Variants in ZNF516 observed in about 807,000 individuals in gnomAD.
ZNF516 encodes zinc finger protein 516.
ZNF516 carries 19 observed loss-of-function variants against 79.7 expected under a neutral mutation model. The observed-to-expected ratio is 0.24, with a 90% CI of 0.17 to 0.35. The LOEUF is 0.35. Among genes scored for constraint, ZNF516 ranks in the 10% least tolerant of loss-of-function variants. The pLI, the probability that ZNF516 is intolerant of heterozygous loss-of-function variation, is 1.00. For missense variants in ZNF516, 1,678 were observed against 1,679.5 expected (o/e 1.00, Z 0.02); for synonymous variants, 877 against 739.5 (o/e 1.19, Z -3.02).
intron 1 of ZNF516, among the ~76,000 whole-genome samples, chr18:76,472,504 T>C (rs1409767734): frequency 6.6e-6 from 1 of 152,256 alleles, no homozygotes; most frequent in African/African-American, 2.4e-5. Context: ...CTTACACACA[T>C]ATGCACTTGC....
rs369972508 is a variant in ZNF516, at chr18:76,403,634, C to T, written c.1811-23331G>A. ...GATCTAGAGTTTCACACCCATGAAT[C>T]CACCATTCTTTAAAGTGAGAAAACA... On this transcript the variant is annotated intron_variant, in intron 3 of 6. Transcript: ENST00000443185. Among the ~76,000 whole-genome samples the T allele has an allele frequency of 6.4e-3, 972 of 152,266 alleles. 8 individuals are homozygous for T. The highest frequency in any genetic ancestry group is 0.024 in the Middle Eastern group (7 of 294).
intron 1 of ZNF516, among the ~76,000 whole-genome samples, chr18:76,479,565 TA>T (rs1324612730): frequency 1.3e-5 from 2 of 152,192 alleles, no homozygotes. Flanking sequence ...CAGGCGTTCG[TA>T]ACGGGCCAGA....
chr18:76,425,980 C>T (rs557264442), intron 3 of ZNF516, among the ~76,000 whole-genome samples: 1 of 152,262 alleles, frequency 6.6e-6, no homozygotes, highest in Admixed American at 6.5e-5. Flanking sequence ...GTCAAATTAA[C>T]ATAAGACTGC....
chr18:76,406,559 G>A (rs1001311721), intron 3 of ZNF516, among the ~76,000 whole-genome samples: 1 of 152,116 alleles, frequency 6.6e-6, no homozygotes, highest in Non-Finnish European at 1.5e-5. Flanking sequence ...GCGAGACTCT[G>A]TCTAAAAAGA....
chr18:76,465,620 AC>A (rs1913415932), intron 1 of ZNF516, among the ~76,000 whole-genome samples: 1 of 152,156 alleles, frequency 6.6e-6, no homozygotes, highest in Non-Finnish European at 1.5e-5. Flanking sequence ...TACAAGACCA[AC>A]CCCTGATGTG....
chr18:76,370,340 G>A (rs572599679), intron 6 of ZNF516, among the ~76,000 whole-genome samples, 188 bp downstream of exon 6: 67 of 152,316 alleles, frequency 4.4e-4, no homozygotes, highest in African/African-American at 1.6e-3. Flanking sequence ...CCGGCTGGGA[G>A]GACCTCTGTG....
At chr18:76,488,393 A>G (rs1382660669) in intron 1 of ZNF516, among the ~76,000 whole-genome samples, 2 of 152,184 alleles carry the variant, frequency 1.3e-5, no homozygotes, top group Non-Finnish European at 2.9e-5. Flanking sequence ...TCAGGGAAGC[A>G]AGGATGTGCA....
chr18:76,485,398 G>A (rs533649380), intron 1 of ZNF516, among the ~76,000 whole-genome samples: 16 of 152,304 alleles, frequency 1.1e-4, no homozygotes, highest in Admixed American at 5.9e-4. Flanking sequence ...CAAAGGCAAC[G>A]TGCACTCACA....
intron 3 of ZNF516, among the ~76,000 whole-genome samples, chr18:76,396,093 T>C (rs1009291533): frequency 6.6e-6 from 1 of 152,194 alleles, no homozygotes; most frequent in Non-Finnish European, 1.5e-5. Context: ...GAATGGTAGA[T>C]GGTGCTCAGG....
chr18:76,406,839 C>CA (rs1447904036), intron 3 of ZNF516, among the ~76,000 whole-genome samples: 3 of 152,216 alleles, frequency 2.0e-5, no homozygotes, highest in Admixed American at 2.0e-4. Context: ...TTATCCTTCT[C>CA]AGAGACAGAC....
At chr18:76,401,054 GTAT>G (rs2145212973) in intron 3 of ZNF516, among the ~76,000 whole-genome samples, 1 of 152,220 alleles carries the variant, frequency 6.6e-6, no homozygotes, top group East Asian at 1.9e-4. Flanking sequence ...GGAAATAACT[GTAT>G]TTTCCTTTCC....
chr18:76,478,378 G>A (rs1914297043), intron 1 of ZNF516, among the ~76,000 whole-genome samples: 1 of 152,028 alleles, frequency 6.6e-6, no homozygotes, highest in Non-Finnish European at 1.5e-5. Context: ...GAGTTTCTAG[G>A]TTTTGTAAAC....
At chr18:76,478,143 T>C (rs945307648) in intron 1 of ZNF516, among the ~76,000 whole-genome samples, 1 of 152,176 alleles carries the variant, frequency 6.6e-6, no homozygotes, top group African/African-American at 2.4e-5. Context: ...ATTTCAGATT[T>C]TCAGGACAAA....
intron 2 of ZNF516, among the ~76,000 whole-genome samples, chr18:76,456,751 G>A (rs1912751070): frequency 1.9e-5 from 2 of 105,210 alleles, no homozygotes; most frequent in African/African-American, 7.3e-5. Flanking sequence ...GGGCTGGGGG[G>A]TGGGGGGGGG....
intron 3 of ZNF516, among the ~76,000 whole-genome samples, chr18:76,414,585 A>G (rs998512390): frequency 1.3e-5 from 2 of 152,218 alleles, no homozygotes; most frequent in Admixed American, 6.5e-5. Context: ...TTCTCTTTTC[A>G]GGTTTTCTTT....
intron 2 of ZNF516, among the ~76,000 whole-genome samples, chr18:76,450,360 C>T (rs1406147356): frequency 6.6e-6 from 1 of 150,966 alleles, no homozygotes; most frequent in Admixed American, 6.6e-5. Flanking sequence ...ACTCCCCACC[C>T]TCCCCAGGCC....
intron 1 of ZNF516, among the ~76,000 whole-genome samples, chr18:76,488,711 T>C (rs1260923731): frequency 6.6e-6 from 1 of 152,236 alleles, no homozygotes; most frequent in East Asian, 1.9e-4. Flanking sequence ...ATCAAATAAA[T>C]TTAACTTTCT....
At chr18:76,461,307 C>A (rs1913093935) in intron 2 of ZNF516, among the ~76,000 whole-genome samples, 1 of 152,244 alleles carries the variant, frequency 6.6e-6, no homozygotes, top group Non-Finnish European at 1.5e-5. Flanking sequence ...AGGCCAGTGT[C>A]TCGTCTAACA....
At chr18:76,406,569 A>AAAAAC (rs1395290844) in intron 3 of ZNF516, among the ~76,000 whole-genome samples, 4 of 152,192 alleles carry the variant, frequency 2.6e-5, no homozygotes, top group East Asian at 1.9e-4. Context: ...GTCTAAAAAG[A>AAAAAC]AAAACAAAAC....
Sources: gnomAD v4.1 joint callset for allele counts (sites outside exome capture counted in the v4.1 genomes callset) on GRCh38, gnomAD v4.1.1 for gene constraint, MANE v1.5 for transcripts, NCBI Gene and HGNC (gene_info 2026-07-23, HGNC 2026-07-21) for gene names.